MGST3: variants seen among roughly 807,000 people sequenced by gnomAD.
MGST3 encodes microsomal glutathione S-transferase 3.
In MGST3, 13 loss-of-function variants were observed where a neutral mutation model predicts 15.8. The ratio of observed to expected loss-of-function variants is 0.82; its 90% CI spans 0.54 to 1.31. The LOEUF (loss-of-function observed/expected upper bound fraction) is 1.31, where lower values mean the gene tolerates loss of function less well. MGST3 is among the 50% of genes most tolerant of loss of function. The pLI is 0.00. For missense variants in MGST3, 155 were observed against 192.4 expected, an observed-to-expected ratio of 0.81 and a Z score of 1.15; for synonymous variants, 49 against 68.1, an observed-to-expected ratio of 0.72 and a Z score of 1.38.
chr1:165,651,195 C>A, intron 3 of MGST3, 108 bp downstream of exon 3: 1 of 896,200 alleles, frequency 1.1e-6, no homozygotes, highest in Non-Finnish European at 1.9e-6. Context: ...GTGATGGTGA[C>A]AATCATGGGC....
intron 4 of MGST3, among the ~76,000 whole-genome samples, chr1:165,652,678 C>T (rs1648593330): frequency 6.6e-6 from 1 of 152,126 alleles, no homozygotes; most frequent in East Asian, 1.9e-4. Flanking sequence ...CCCCAACCTC[C>T]AGCCAGAAGA....
intron 1 of MGST3, among the ~76,000 whole-genome samples, chr1:165,641,039 C>G (rs1648249886): frequency 2.0e-5 from 3 of 152,240 alleles, no homozygotes; most frequent in South Asian, 2.1e-4. Context: ...AAAAATGAGC[C>G]TGGTGTGATG....
chr1:165,639,541 G>T (rs1648207693), intron 1 of MGST3, among the ~76,000 whole-genome samples: 1 of 152,208 alleles, frequency 6.6e-6, no homozygotes, highest in African/African-American at 2.4e-5. Context: ...GGTGGCCCAT[G>T]CTTGTAATCC....
chr1:165,632,645 A>C (rs1254295362), intron 1 of MGST3, among the ~76,000 whole-genome samples: 1 of 152,196 alleles, frequency 6.6e-6, no homozygotes, highest in African/African-American at 2.4e-5. Context: ...ATGTTACTAT[A>C]TATAAATCTG....
chr1:165,632,188 G>C, intron 1 of MGST3: 1 of 1,556,718 alleles, frequency 6.4e-7, no homozygotes, highest in Non-Finnish European at 8.9e-7. Context: ...ACTAGGATGG[G>C]TAGAAGGAGA....
At chr1:165,651,294 A>G (rs1218000392) in intron 3 of MGST3, 2 of 600,548 alleles carry the variant, frequency 3.3e-6, no homozygotes, top group Admixed American at 2.7e-5. Flanking sequence ...GGATTTCGGG[A>G]TATTCTTTTC....
chr1:165,654,993 A>G (rs886482838), intron 5 of MGST3, among the ~76,000 whole-genome samples: 4 of 152,220 alleles, frequency 2.6e-5, no homozygotes, highest in Admixed American at 6.5e-5. Context: ...CTAGTAAACT[A>G]GGAATCAAAC....
chr1:165,633,668 C>G (rs1041989465), intron 1 of MGST3, among the ~76,000 whole-genome samples: 1 of 152,142 alleles, frequency 6.6e-6, no homozygotes, highest in South Asian at 2.1e-4. Flanking sequence ...GGTTGGTACC[C>G]TAACGGGCAT....
intron 5 of MGST3, 132 bp downstream of exon 5, chr1:165,654,483 G>T: frequency 1.2e-6 from 1 of 805,250 alleles, no homozygotes; most frequent in South Asian, 1.4e-5. Flanking sequence ...TTGAGCTCAG[G>T]AGTTGGATAC....
chr1:165,651,290 C>T (rs1474968032), intron 3 of MGST3: 6 of 604,678 alleles, frequency 9.9e-6, no homozygotes, highest in East Asian at 2.8e-5. Flanking sequence ...GGTGGGATTT[C>T]GGGATATTCT....
chr1:165,640,779 A>G (rs1648241500), intron 1 of MGST3, among the ~76,000 whole-genome samples: 2 of 152,248 alleles, frequency 1.3e-5, no homozygotes, highest in South Asian at 2.1e-4. Context: ...CAAAGAGCAC[A>G]TAGTCCATCT....
rs763008320 is a variant in MGST3 at position 165,651,094 on chromosome 1, G to C, written c.191+7G>C. 14 of 1,614,044 alleles carry C rather than the reference G, an allele frequency of 8.7e-6. No individual in the cohort carries two copies. Among genetic ancestry groups the C allele is most frequent in the Middle Eastern group, 1.7e-4 (1 of 6,056 alleles). Reference sequence around the variant, plus strand: ...AGCGAGCCCACCAGAACACGTGAGTGTCGGCCCTGCCGGGCACCAAAGACA... The same window carrying C: ...AGCGAGCCCACCAGAACACGTGAGTCTCGGCCCTGCCGGGCACCAAAGACA... On this transcript the variant is annotated splice_region_variant and intron_variant, in intron 3 of 5. Transcript: ENST00000367889.
Position 165,650,020 on chromosome 1 carries a change from A to C in MGST3, c.117+56A>C, listed in dbSNP as rs900424138. The C allele has an allele frequency of 1.9e-6, 3 of 1,610,474 alleles. No individual in the cohort carries two copies. In the African/African-American group the frequency reaches 4.0e-5, roughly 21 times the overall value. ...AGGCTTGTCTGGGGGCCACAGGCTT[A>C]GCCAAGAACTTATTTTCAGCCATGG... On this transcript the variant is annotated intron_variant, in intron 2 of 5. Coordinates refer to ENST00000367889, the MANE Select transcript of MGST3 (RefSeq NM_004528.4).
rs9333430 is a variant in MGST3, at chr1:165,641,753, T to C, written c.-7-8088T>C. On this transcript the variant is annotated intron_variant, in intron 1 of 5. Transcript: ENST00000367889. Reference sequence around the variant, plus strand: ...GGCTATGTATGAATACAGGTCTGTCTGACTCCTCAATTCCTGCTATCTCTA... The same window carrying C: ...GGCTATGTATGAATACAGGTCTGTCCGACTCCTCAATTCCTGCTATCTCTA... Among the ~76,000 whole-genome samples the C allele has an allele frequency of 9.8e-3, 1,496 of 152,348 alleles. 51 individuals carry two copies. Among genetic ancestry groups the C allele is most frequent in the Admixed American group, 0.059 (901 of 15,298 alleles).
chr1:165,640,623 T>G (rs566445272), intron 1 of MGST3, among the ~76,000 whole-genome samples: 167 of 152,222 alleles, frequency 1.1e-3, no homozygotes, highest in African/African-American at 3.8e-3. Flanking sequence ...CTGAGGTATG[T>G]TTTAACAAAC....
chr1:165,650,088 G>T, intron 2 of MGST3, 124 bp downstream of exon 2: 1 of 1,419,606 alleles, frequency 7.0e-7, no homozygotes, highest in Non-Finnish European at 9.7e-7. Flanking sequence ...GCAGTTTCAG[G>T]ACTGTGTTAG....
At chr1:165,639,311 ACTGGCATCAGTCTGCCTGTATT>A (rs1326365995) in intron 1 of MGST3, among the ~76,000 whole-genome samples, 3 of 152,188 alleles carry the variant, frequency 2.0e-5, no homozygotes, top group Non-Finnish European at 4.4e-5. Context: ...AAGCATGGAC[ACTGGCATCAGTCTGCCTGTATT>A]CAGACACCAG....
At chr1:165,646,041 A>G (rs1211126898) in intron 1 of MGST3, 1 of 152,228 alleles carries the variant, frequency 6.6e-6, no homozygotes, top group African/African-American at 2.4e-5. Context: ...TGTTGGGTTC[A>G]TGAAAGGGTT....
chr1:165,645,549 A>G (rs1486417929), intron 1 of MGST3: 2 of 152,184 alleles, frequency 1.3e-5, no homozygotes, highest in African/African-American at 4.8e-5. Context: ...TAAACCAGTA[A>G]CTGTCACTTA....
Sources: allele counts gnomAD v4.1 joint callset (sites outside exome capture counted in the v4.1 genomes callset), GRCh38; gene constraint gnomAD v4.1.1; transcripts MANE v1.5; gene names NCBI Gene and HGNC (gene_info 2026-07-23, HGNC 2026-07-21).